Variants in TNPO2 observed in about 807,000 individuals in gnomAD.
The protein encoded by TNPO2 is transportin 2.
Under a neutral mutation model 111.1 loss-of-function variants are expected in TNPO2, and 16 were observed. The observed-to-expected ratio is 0.14, with a 90% CI of 0.10 to 0.22. The LOEUF (loss-of-function observed/expected upper bound fraction) is 0.22, where lower values mean the gene tolerates loss of function less well. Ranked by LOEUF, TNPO2 falls within the 10% of genes least tolerant of loss-of-function variation. The probability of loss-of-function intolerance (pLI) is 1.00; values close to 1 mark genes in which losing one functional copy is unlikely to be tolerated. For missense variants in TNPO2, 530 were observed against 1,173.7 expected, an observed-to-expected ratio of 0.45 and a Z score of 8.01; for synonymous variants, 481 against 475.8, an observed-to-expected ratio of 1.01 and a Z score of -0.14.
Position 12,706,578 on chromosome 19 carries a change from C to T in TNPO2, c.1488G>A (p.Ala496=), listed in dbSNP as rs745877867. The T allele has an allele frequency of 1.1e-5, 17 of 1,614,038 alleles. No homozygotes were observed. The highest frequency in any genetic ancestry group is 6.7e-5 in the Admixed American group (4 of 60,008). ...CAGGGGTCCAGGGTCACCTGCAGGC[C>T]GCCTCCTGTACCCTCTTGTTGCCAT... ...ILDGNKRVQE[A]ACSAFATLEE... is the part of the protein sequence containing the mutation. Residue 496 remains alanine, a synonymous_variant, in exon 14 of 26, where the codon GCG becomes GCA. Transcript: ENST00000425528. The surrounding 1 kb of genome is among the most constrained non-coding windows in gnomAD (Gnocchi z 7.0).
Position 12,705,116 on chromosome 19 carries a change from T to C in TNPO2, c.2022+124A>G, listed in dbSNP as rs762090104. ...CCTGCCTCGGCCTCCAGGATTACTC[T>C]TTAAAATAATTAGAACAGCACCTTT... On this transcript the variant is annotated intron_variant, in intron 18 of 25. Coordinates refer to ENST00000425528, the MANE Select transcript of TNPO2 (RefSeq NM_001382241.1). This position sits in a 1 kb window ranked among gnomAD's most constrained non-coding sequence, Gnocchi z 7.2. 9.2e-7 allele frequency: 1 copy of C among 1,083,132 alleles called. No individual in the cohort carries two copies. Among genetic ancestry groups the C allele is most frequent in the Non-Finnish European group, 1.3e-6 (1 of 756,804 alleles). 67.1% of individuals were successfully genotyped at this position (1,083,132 alleles called of 1,614,324 possible). A position where few individuals can be genotyped will look rare whatever the true frequency, so the allele number is the denominator to read the frequency against.
chr19:12,714,590 G>T (rs1357813912), intron 10 of TNPO2, among the ~76,000 whole-genome samples: 1 of 152,150 alleles, frequency 6.6e-6, no homozygotes, highest in Non-Finnish European at 1.5e-5. Flanking sequence ...AGGATTACAG[G>T]TGTCAGCCAC....
intron 13 of TNPO2, among the ~76,000 whole-genome samples, chr19:12,707,880 G>C (rs1413375635): frequency 2.6e-5 from 4 of 151,788 alleles, no homozygotes. Context: ...AAGTACAGTT[G>C]CACAATCTTG....
chr19:12,718,923 A>C, intron 5 of TNPO2, 106 bp downstream of exon 5: 28 of 1,400,730 alleles, frequency 2.0e-5, no homozygotes, highest in Non-Finnish European at 2.6e-5. Flanking sequence ...TAGTAATAGT[A>C]CTACCATAGA....
In TNPO2 at chr19:12,715,632, C is replaced by T; in HGVS notation, c.432+1G>A. 1 of 1,613,800 alleles carries T rather than the reference C, an allele frequency of 6.2e-7. No homozygotes were observed. On this transcript the variant is annotated splice_donor_variant, in intron 6 of 25. Coordinates refer to ENST00000425528, the MANE Select transcript of TNPO2 (RefSeq NM_001382241.1). LOFTEE classifies it high-confidence loss of function. This position sits in a 1 kb window ranked among gnomAD's most constrained non-coding sequence, Gnocchi z 7.1. ...CTGGCCATCCATGGCTTCTTGCCTA[C>T]CTCACAAGTGTTGTAATCCTCCGAG...
rs1193671154 is a variant in TNPO2 at position 12,701,232 on chromosome 19, G to A, written c.*32C>T. 1.2e-5 allele frequency: 10 copies of A among 826,170 alleles called. No homozygotes were observed. Among genetic ancestry groups the A allele is most frequent in the East Asian group, 2.6e-5 (1 of 38,838 alleles). 51.2% of individuals were successfully genotyped at this position (826,170 alleles called of 1,614,324 possible). A position where few individuals can be genotyped will look rare whatever the true frequency, so the allele number is the denominator to read the frequency against. On this transcript the variant is annotated 3_prime_UTR_variant, in exon 26 of 26. Coordinates refer to ENST00000425528, the MANE Select transcript of TNPO2 (RefSeq NM_001382241.1). This position sits in a 1 kb window ranked among gnomAD's most constrained non-coding sequence, Gnocchi z 5.0. ...CCCCAGTAATCCCTCCGACGACGAC[G>A]CAGACAGAAACCTGCAGGGGGAGGA...
Position 12,705,529 on chromosome 19 carries a change from C to A in TNPO2, c.1826G>T (p.Cys609Phe). Residue 609 changes from cysteine (C) to phenylalanine (F), a missense_variant, in exon 17 of 26, where the codon TGT (cysteine) becomes TTT (phenylalanine). Physicochemically the swap from Cys to Phe is radical, Grantham distance 205 (BLOSUM62 -2). Around this residue, in one of 4 missense-constraint regions of TNPO2, gnomAD observed 183 missense variants for 481.0 expected, o/e 0.38. Transcript: ENST00000425528. This position sits in a 1 kb window ranked among gnomAD's most constrained non-coding sequence, Gnocchi z 7.2. The part of the protein sequence containing the change: ...LPYCEPVYQR[C>F]VTLVQKTLAQ... ...CAGTGTCTTCTGCACCAGGGTGACA[C>A]AGCGCTGGTAGACGGGCTCACAGTA... The A allele has an allele frequency of 6.2e-7, 1 of 1,604,268 alleles. No homozygotes were observed. The highest frequency in any genetic ancestry group is 8.5e-7 in the Non-Finnish European group (1 of 1,176,036).
At chr19:12,722,991 G>A (rs982809771) in intron 2 of TNPO2, among the ~76,000 whole-genome samples, 3 of 152,162 alleles carry the variant, frequency 2.0e-5, no homozygotes, top group African/African-American at 7.2e-5. Flanking sequence ...TACTTGGGAG[G>A]AGTACGCTGT....
At chr19:12,714,362 G>A (rs985042768) in intron 10 of TNPO2, among the ~76,000 whole-genome samples, 2 of 150,572 alleles carry the variant, frequency 1.3e-5, no homozygotes, top group Non-Finnish European at 3.0e-5. Context: ...ACCCAGGCTG[G>A]AGTGCAGTGG....
chr19:12,706,163 G>A lies in TNPO2; in HGVS notation c.1668+33C>T. On this transcript the variant is annotated intron_variant, in intron 15 of 25. Coordinates refer to ENST00000425528, the MANE Select transcript of TNPO2 (RefSeq NM_001382241.1). This position sits in a 1 kb window ranked among gnomAD's most constrained non-coding sequence, Gnocchi z 7.0. ...GTCACTGGATGCCCAGGGGCACGGG[G>A]ATCGGGAGGCGGGAGCCGCTCTGGG... 1 of 1,605,420 alleles carries A rather than the reference G, an allele frequency of 6.2e-7. No individual in the cohort carries two copies. The highest frequency in any genetic ancestry group is 1.7e-4 in the Middle Eastern group (1 of 5,976).
At chr19:12,708,488 G>GATA (rs1346194877) in intron 13 of TNPO2, among the ~76,000 whole-genome samples, 1 of 149,338 alleles carries the variant, frequency 6.7e-6, no homozygotes, top group Non-Finnish European at 1.5e-5. Context: ...AGAGAACAAA[G>GATA]ATAATAGCAC....
In TNPO2 at chr19:12,699,253, C is replaced by T. The variant is rs527784359; in HGVS notation, c.*2011G>A. 5.4e-5 allele frequency: 24 copies of T among 444,746 alleles called. No homozygotes were observed. The highest frequency in any genetic ancestry group is 8.6e-5 in the Non-Finnish European group (19 of 221,828). 27.5% of individuals were successfully genotyped at this position (444,746 alleles called of 1,614,324 possible). ...AAAGTTCTACACAAGTGGAATCTCA[C>T]GCCACCTCGGCGCCAATCCCCAGCA... is the stretch of plus-strand genomic sequence containing the variant. On this transcript the variant is annotated 3_prime_UTR_variant, in exon 26 of 26. Transcript: ENST00000425528.
Position 12,702,200 on chromosome 19 carries a change from G to T in TNPO2, c.2306-23C>A. On this transcript the variant is annotated intron_variant, in intron 21 of 25. Coordinates refer to ENST00000425528, the MANE Select transcript of TNPO2 (RefSeq NM_001382241.1). The surrounding 1 kb of genome is among the most constrained non-coding windows in gnomAD (Gnocchi z 5.5). Reference sequence around the variant, plus strand: ...GACCTGCAACCCCGAGCGGCCCCGGGACGGTACGTGGCGGGGCCTCTGGCA... The same window carrying T: ...GACCTGCAACCCCGAGCGGCCCCGGTACGGTACGTGGCGGGGCCTCTGGCA... The T allele has an allele frequency of 6.2e-7, 1 of 1,600,974 alleles. No homozygotes were observed. Among genetic ancestry groups the T allele is most frequent in the Non-Finnish European group, 8.5e-7 (1 of 1,171,214 alleles).
chr19:12,709,099 C>T (rs2025884550), intron 13 of TNPO2, among the ~76,000 whole-genome samples: 1 of 150,994 alleles, frequency 6.6e-6, no homozygotes, highest in Non-Finnish European at 1.5e-5. Context: ...AGGTGGCTCA[C>T]ACCCGTAATC....
intron 18 of TNPO2, among the ~76,000 whole-genome samples, chr19:12,704,345 G>T (rs1348504477): frequency 6.6e-6 from 1 of 151,924 alleles, no homozygotes; most frequent in African/African-American, 2.4e-5. Flanking sequence ...CTCCAGCCTG[G>T]GTGACAGAGT....
Position 12,706,828 on chromosome 19 carries a change from T to A in TNPO2, c.1271-33A>T, listed in dbSNP as rs1200028114. ...GAAAGGGAACCAAGAGGGGGCAGTT[T>A]GATTGGGCCCAGCCACACCCACCGT... On this transcript the variant is annotated intron_variant, in intron 13 of 25. Coordinates refer to ENST00000425528, the MANE Select transcript of TNPO2 (RefSeq NM_001382241.1). The surrounding 1 kb of genome is among the most constrained non-coding windows in gnomAD (Gnocchi z 7.0). 1.9e-5 allele frequency: 30 copies of A among 1,552,330 alleles called. No individual in the cohort carries two copies.
rs951525929 is a variant in TNPO2, at chr19:12,706,632, C to G, written c.1434G>C (p.Leu478=). The G allele has an allele frequency of 6.2e-7, 1 of 1,613,888 alleles. No individual in the cohort carries two copies. The change falls in exon 14 of 26, where the codon CTG becomes CTC. Residue 478 remains leucine, a synonymous_variant. Coordinates refer to ENST00000425528, the MANE Select transcript of TNPO2 (RefSeq NM_001382241.1). The surrounding 1 kb of genome is among the most constrained non-coding windows in gnomAD (Gnocchi z 7.0). The part of the protein sequence containing the change: ...SQPPDMHLKP[L]MTELLKRILD... The stretch of plus-strand genomic sequence containing the variant: ...GGATGCGTTTGAGCAGCTCTGTCAT[C>G]AGGGGCTTGAGGTGCATGTCGGGTG...
rs1324531820 is a variant in TNPO2 at position 12,699,297 on chromosome 19, A to G, written c.*1967T>C. 1 of 439,736 alleles carries G rather than the reference A, an allele frequency of 2.3e-6. No homozygotes were observed. Among genetic ancestry groups the G allele is most frequent in the Non-Finnish European group, 4.6e-6 (1 of 219,164 alleles). The allele number at this position is 439,736 out of a possible 1,614,324, so 27.2% of individuals were successfully genotyped here. A position where few individuals can be genotyped will look rare whatever the true frequency, so the allele number is the denominator to read the frequency against. On this transcript the variant is annotated 3_prime_UTR_variant, in exon 26 of 26. Transcript: ENST00000425528. ...CCCAGCACAGCACAGTAACAAATGGACAGACCCGGGAGCCCGCAGGGGGAA... is the reference window on the plus strand; with the variant it reads ...CCCAGCACAGCACAGTAACAAATGGGCAGACCCGGGAGCCCGCAGGGGGAA...
intron 13 of TNPO2, among the ~76,000 whole-genome samples, chr19:12,708,227 G>T (rs988849997): frequency 2.0e-5 from 3 of 152,060 alleles, no homozygotes; most frequent in Admixed American, 6.5e-5. Flanking sequence ...CTGCCTCCCA[G>T]GTTCAAGTGA....
Sources: gnomAD v4.1 joint callset for allele counts (sites outside exome capture counted in the v4.1 genomes callset) on GRCh38, gnomAD v4.1.1 for gene constraint, gnomAD v4.1.1 regional missense constraint, Gnocchi (gnomAD v3.1) non-coding constraint, MANE v1.5 for transcripts, NCBI Gene and HGNC (gene_info 2026-07-23, HGNC 2026-07-21) for gene names.